The following CREBBP variants were observed in gnomAD, a reference collection of about 807,000 sequenced individuals.
CREBBP encodes CREB-binding protein.
Under a neutral mutation model 265.0 loss-of-function variants are expected in CREBBP, and 19 were observed. The observed-to-expected ratio is 0.07, with a 90% CI of 0.05 to 0.11. The LOEUF is 0.11. Among genes scored for constraint, CREBBP ranks in the 10% least tolerant of loss-of-function variants. The pLI is 1.00. For missense variants in CREBBP, 2,525 were observed against 3,219.0 expected, an observed-to-expected ratio of 0.78 and a Z score of 5.22; for synonymous variants, 1,457 against 1,223.7, an observed-to-expected ratio of 1.19 and a Z score of -3.98.
rs752626859 is a variant in CREBBP at position 3,727,883 on chromosome 16, T to G, written c.7164A>C (p.Ala2388=). The change falls in exon 31 of 31, where the codon GCA becomes GCC. Residue 2388 remains alanine (A), a synonymous_variant. Transcript: ENST00000262367. The stretch of plus-strand genomic sequence containing the variant: ...GATCTATGGAGCTGGCCATGGTGAC[T>G]GCGAGTCCGGGGTGGGGGGAACCAG... ...PQTGSPHPGL[A]VTMASSIDQG... 1.2e-6 allele frequency: 2 copies of G among 1,613,534 alleles called. No individual in the cohort carries two copies.
At chr16:3,778,251 A>G (rs1047603185) in intron 9 of CREBBP, 69 bp from the exon 10 acceptor site, 2 of 1,303,190 alleles carry the variant, frequency 1.5e-6, no homozygotes, top group Middle Eastern at 2.5e-4. Flanking sequence ...TCTGTGTTGT[A>G]GGTTCTAACT....
At chr16:3,847,098 T>A (rs2054683399) in intron 2 of CREBBP, among the ~76,000 whole-genome samples, 1 of 152,116 alleles carries the variant, frequency 6.6e-6, no homozygotes, top group Admixed American at 6.5e-5. Flanking sequence ...ATGAGATCAA[T>A]AAATTATGAT....
rs2051800390 is a variant in CREBBP, at chr16:3,728,236, G to C, written c.6811C>G (p.Leu2271Val). The stretch of plus-strand genomic sequence containing the variant: ...AGCCCCGGCTGCCCCATCTGGCCAA[G>C]CTGTCCCATCTGAGCCGCCATCTGG... ...MGQMAAQMGQ[L>V]GQMGQPGLGA... is the part of the protein sequence containing the mutation. Residue 2271 changes from leucine to valine, a missense_variant, in exon 31 of 31, where the codon CTT becomes GTT. Transcript: ENST00000262367. The surrounding 1 kb of genome is among the most constrained non-coding windows in gnomAD (Gnocchi z 8.7). 3.7e-6 allele frequency: 6 copies of C among 1,613,216 alleles called. No individual in the cohort carries two copies. Among genetic ancestry groups the C allele is most frequent in the Non-Finnish European group, 5.1e-6 (6 of 1,179,928 alleles).
intron 1 of CREBBP, among the ~76,000 whole-genome samples, chr16:3,866,023 T>C (rs1233913470): frequency 6.6e-6 from 1 of 152,212 alleles, no homozygotes; most frequent in Non-Finnish European, 1.5e-5. Flanking sequence ...ACACCTGGAA[T>C]GGTTCCCAGT....
chr16:3,742,032 C>G (rs900607488), intron 23 of CREBBP: 3 of 151,934 alleles, frequency 2.0e-5, no homozygotes, highest in East Asian at 1.9e-4. Context: ...AGTGAGCCGA[C>G]ATCACGTGAC....
At chr16:3,856,742 G>A (rs977029203) in intron 1 of CREBBP, among the ~76,000 whole-genome samples, 3 of 152,206 alleles carry the variant, frequency 2.0e-5, no homozygotes, top group African/African-American at 4.8e-5. Context: ...TGTCCAGGGC[G>A]AGGATGAAGA....
At chr16:3,747,947 A>G (rs1217723829) in intron 21 of CREBBP, among the ~76,000 whole-genome samples, 1 of 152,122 alleles carries the variant, frequency 6.6e-6, no homozygotes, top group Non-Finnish European at 1.5e-5. Context: ...AAAATTAGCC[A>G]GGTGTGGTGG....
At chr16:3,784,136 C>T (rs1472093895) in intron 5 of CREBBP, among the ~76,000 whole-genome samples, 7 of 152,096 alleles carry the variant, frequency 4.6e-5, no homozygotes, top group African/African-American at 2.4e-5. Context: ...ACATAAAACA[C>T]GACCACAAAG....
rs148004878 is a variant in CREBBP at position 3,729,629 on chromosome 16, C to T, written c.5418G>A (p.Lys1806=). The T allele has an allele frequency of 3.1e-6, 5 of 1,613,984 alleles. No homozygotes were observed. Among genetic ancestry groups the T allele is most frequent in the Non-Finnish European group, 3.4e-6 (4 of 1,180,024 alleles). ...CCCCGTTGGTCTTGCGTTTGCAGCCCTTGGTGTGCTGCACCACCCGCTTCA... is the reference window on the plus strand; with the variant it reads ...CCCCGTTGGTCTTGCGTTTGCAGCCTTTGGTGTGCTGCACCACCCGCTTCA... ...QKMKRVVQHT[K]GCKRKTNGGC... is the part of the protein sequence containing the mutation. Residue 1806 remains lysine (K), a synonymous_variant, in exon 31 of 31, where the codon AAG becomes AAA. Coordinates refer to ENST00000262367, the MANE Select transcript of CREBBP (RefSeq NM_004380.3).
At chr16:3,791,021 A>C (rs2053496550) in intron 5 of CREBBP, among the ~76,000 whole-genome samples, 1 of 152,156 alleles carries the variant, frequency 6.6e-6, no homozygotes, top group African/African-American at 2.4e-5. Flanking sequence ...CGTAATACAC[A>C]AAACAGGGGA....
chr16:3,799,754 C>A (rs971482605), intron 3 of CREBBP, among the ~76,000 whole-genome samples: 2 of 152,246 alleles, frequency 1.3e-5, no homozygotes, highest in Admixed American at 6.5e-5. Context: ...CCTCAAATAA[C>A]CCCTGTCAAA....
intron 11 of CREBBP, among the ~76,000 whole-genome samples, chr16:3,776,168 T>A (rs897060350): frequency 2.6e-5 from 4 of 151,794 alleles, no homozygotes; most frequent in Admixed American, 2.6e-4. Flanking sequence ...TCCTCCTGCT[T>A]CGGCCTCCCA....
chr16:3,820,489 C>T (rs2054120823), intron 2 of CREBBP, among the ~76,000 whole-genome samples: 1 of 152,148 alleles, frequency 6.6e-6, no homozygotes, highest in Non-Finnish European at 1.5e-5. Context: ...AAATGTGCGG[C>T]CCCCAGGTCT....
chr16:3,760,570 T>C (rs754363586), intron 16 of CREBBP, among the ~76,000 whole-genome samples: 5 of 150,926 alleles, frequency 3.3e-5, no homozygotes, highest in Non-Finnish European at 5.9e-5. Flanking sequence ...GCCCAGCTGA[T>C]TTTTGTAATT....
At chr16:3,813,535 C>T (rs558697189) in intron 2 of CREBBP, among the ~76,000 whole-genome samples, 1 of 152,258 alleles carries the variant, frequency 6.6e-6, no homozygotes, top group South Asian at 2.1e-4. Flanking sequence ...ATAACCAAAC[C>T]GCTGAAACAT....
intron 2 of CREBBP, among the ~76,000 whole-genome samples, chr16:3,832,399 C>G (rs1028943783): frequency 6.6e-6 from 1 of 152,210 alleles, no homozygotes; most frequent in African/African-American, 2.4e-5. Context: ...AGACCCATAT[C>G]ACTCATGAAT....
intron 18 of CREBBP, 106 bp downstream of exon 18, chr16:3,757,703 G>T: frequency 1.4e-6 from 2 of 1,476,832 alleles, no homozygotes; most frequent in Admixed American, 1.8e-5. Flanking sequence ...ACAGCAGATT[G>T]CACATATGCA....
At chr16:3,870,609 T>C (rs981594638) in intron 1 of CREBBP, among the ~76,000 whole-genome samples, 9 of 152,310 alleles carry the variant, frequency 5.9e-5, no homozygotes, top group African/African-American at 1.9e-4. Context: ...TTAGTTCGTT[T>C]TCTTACAAAC....
At chr16:3,853,235 C>T (rs898152212) in intron 1 of CREBBP, among the ~76,000 whole-genome samples, 27 of 152,176 alleles carry the variant, frequency 1.8e-4, no homozygotes, top group African/African-American at 6.5e-4. Context: ...CAAACAGTGC[C>T]TATGGGTGGT....
Sources: gnomAD v4.1 joint callset for allele counts (sites outside exome capture counted in the v4.1 genomes callset) on GRCh38, gnomAD v4.1.1 for gene constraint, Gnocchi (gnomAD v3.1) non-coding constraint, MANE v1.5 for transcripts, NCBI Gene and HGNC (gene_info 2026-07-23, HGNC 2026-07-21) for gene names.